The following LARS1 variants were observed in gnomAD, a reference collection of about 807,000 sequenced individuals.
LARS1 encodes leucine--tRNA ligase, cytoplasmic.
LARS1 carries 100 observed loss-of-function variants against 162.8 expected under a neutral mutation model. That is an observed-to-expected ratio of 0.61 (90% CI 0.52 to 0.73). The LOEUF (loss-of-function observed/expected upper bound fraction) is 0.73, where lower values mean the gene tolerates loss of function less well. Ranked by LOEUF, LARS1 falls within the 30% of genes least tolerant of loss-of-function variation. The probability of loss-of-function intolerance (pLI) is 0.00; values close to 1 mark genes in which losing one functional copy is unlikely to be tolerated. For synonymous variants in LARS1, 457 were observed against 462.8 expected (o/e 0.99, Z 0.16); for missense variants, 1,258 against 1,408.9 (o/e 0.89, Z 1.71).
At position 146,114,096 on chromosome 5, in the gene LARS1, G is replaced by A; in HGVS notation, c.*10C>T. ...TAAGAAACCAGGATAAATCTCCAATGTGCATGAGTTTAATGAACCAGATAG... is the reference window on the plus strand; with the variant it reads ...TAAGAAACCAGGATAAATCTCCAATATGCATGAGTTTAATGAACCAGATAG... On this transcript the variant is annotated 3_prime_UTR_variant, in exon 32 of 32. Transcript: ENST00000394434. The A allele has an allele frequency of 6.3e-7, 1 of 1,597,102 alleles. No homozygotes were observed. The highest frequency in any genetic ancestry group is 8.6e-7 in the Non-Finnish European group (1 of 1,165,642).
At chr5:146,170,378 G>C (rs1014257965) in intron 4 of LARS1, among the ~76,000 whole-genome samples, 14 of 151,788 alleles carry the variant, frequency 9.2e-5, no homozygotes, top group African/African-American at 2.7e-4. Flanking sequence ...GCTGAGGCAA[G>C]AGAATCACTT....
intron 1 of LARS1, 130 bp downstream of exon 1, chr5:146,182,358 C>T (rs961358184): frequency 2.5e-5 from 31 of 1,235,018 alleles, no homozygotes; most frequent in South Asian, 7.3e-5. Context: ...AAAGTCTCTA[C>T]GAAAGGCACG....
At position 146,143,412 on chromosome 5, in the gene LARS1, C is replaced by T. The variant is rs1307306147; in HGVS notation, c.1877G>A (p.Arg626Lys). Residue 626 changes from arginine (R) to lysine (K), a missense_variant and splice_region_variant, in exon 19 of 32, where the codon AGA (arginine) becomes AAA (lysine). Coordinates refer to ENST00000394434, the MANE Select transcript of LARS1 (RefSeq NM_020117.11). ...HGQAESPLGI[R>K]PQQMTKEVWD... ...TCCTTTCCCTTATCTGTTTACCAAC[C>T]TAATGCCCAGCGGAGACTCTGCCTG... is the stretch of plus-strand genomic sequence containing the variant. 6.2e-7 allele frequency: 1 copy of T among 1,611,144 alleles called. No homozygotes were observed. Among genetic ancestry groups the T allele is most frequent in the Non-Finnish European group, 8.5e-7 (1 of 1,178,158 alleles).
At chr5:146,157,353 T>A in intron 10 of LARS1, 50 bp downstream of exon 10, 1 of 1,493,374 alleles carries the variant, frequency 6.7e-7, no homozygotes, top group Non-Finnish European at 9.3e-7. Context: ...ATTGTTGAAA[T>A]TTTCCTTGAA....
intron 21 of LARS1, among the ~76,000 whole-genome samples, chr5:146,139,872 C>CAA (rs34203668): frequency 0.06 from 4,909 of 81,286 alleles, 396 homozygotes; most frequent in African/African-American, 0.12. Flanking sequence ...GACTCCGTCT[C>CAA]AAAAAAAAAA....
rs1456451637 is a variant in LARS1, at chr5:146,153,731, T to C, written c.1230+3A>G. On this transcript the variant is annotated splice_donor_region_variant and intron_variant, in intron 12 of 31. Coordinates refer to ENST00000394434, the MANE Select transcript of LARS1 (RefSeq NM_020117.11). ...AATACAAACATGAAACTCAGATACT[T>C]ACTTGCTTTTTCTTCAAGTCTCTGA... is the stretch of plus-strand genomic sequence containing the variant. 6.2e-7 allele frequency: 1 copy of C among 1,611,546 alleles called. No individual in the cohort carries two copies. Among genetic ancestry groups the C allele is most frequent in the Non-Finnish European group, 8.5e-7 (1 of 1,177,758 alleles).
At chr5:146,146,074 A>G (rs1752990750) in intron 15 of LARS1, among the ~76,000 whole-genome samples, 1 of 152,198 alleles carries the variant, frequency 6.6e-6, no homozygotes, top group Admixed American at 6.5e-5. Flanking sequence ...CTCTAGAAAT[A>G]GAGATAAGGG....
chr5:146,115,848 A>G (rs1764181893), intron 31 of LARS1, among the ~76,000 whole-genome samples: 2 of 152,192 alleles, frequency 1.3e-5, no homozygotes, highest in African/African-American at 2.4e-5. Flanking sequence ...TTTCTGAATT[A>G]CTTCCCATTT....
chr5:146,161,644 T>C (rs1753782316), intron 6 of LARS1, among the ~76,000 whole-genome samples: 1 of 151,394 alleles, frequency 6.6e-6, no homozygotes, highest in African/African-American at 2.4e-5. Flanking sequence ...TCCCAGCTAC[T>C]AGGGAGGCTG....
At chr5:146,128,014 G>A (rs750856251) in intron 27 of LARS1, among the ~76,000 whole-genome samples, 20 of 152,020 alleles carry the variant, frequency 1.3e-4, no homozygotes, top group African/African-American at 1.9e-4. Flanking sequence ...AGCAATAACT[G>A]TTTTAATAAC....
Position 146,128,699 on chromosome 5 carries a change from G to A in LARS1, c.2853C>T (p.Thr951=), listed in dbSNP as rs375309202. The change falls in exon 27 of 32, where the codon ACC becomes ACT. Residue 951 remains threonine (T), a synonymous_variant. Coordinates refer to ENST00000394434, the MANE Select transcript of LARS1 (RefSeq NM_020117.11). ...AKNYPPWQHT[T]LSVLRKHFEA... ...CAAAGTGTTTACGTAGAACAGACAG[G>A]GTGGTATGTTGCCAAGGTGGATAGT... is the stretch of plus-strand genomic sequence containing the variant. 1.3e-6 allele frequency: 2 copies of A among 1,588,840 alleles called. No individual in the cohort carries two copies. The highest frequency in any genetic ancestry group is 1.7e-6 in the Non-Finnish European group (2 of 1,172,992).
chr5:146,151,727 G>C (rs1289640011), intron 14 of LARS1, 135 bp downstream of exon 14: 3 of 809,486 alleles, frequency 3.7e-6, no homozygotes, highest in Non-Finnish European at 5.7e-6. Context: ...TTTGGAAATA[G>C]AATACATTCT....
At chr5:146,176,696 T>C (rs1250955542) in intron 2 of LARS1, among the ~76,000 whole-genome samples, 1 of 152,148 alleles carries the variant, frequency 6.6e-6, no homozygotes, top group African/African-American at 2.4e-5. Context: ...GGGGGAGTTA[T>C]TTTGTTTTTG....
intron 19 of LARS1, 39 bp downstream of exon 19, chr5:146,143,373 C>A: frequency 6.4e-7 from 1 of 1,574,014 alleles, no homozygotes; most frequent in Non-Finnish European, 8.6e-7. Context: ...ACAACTCTTA[C>A]TGACAAATTA....
intron 25 of LARS1, 144 bp downstream of exon 25, chr5:146,129,873 CG>C (rs1752202854): frequency 1.3e-6 from 1 of 785,818 alleles, no homozygotes; most frequent in Admixed American, 3.2e-5. Context: ...TGGTTTAACC[CG>C]TCATAATTAT....
chr5:146,114,058 G>T lies in LARS1; in HGVS notation c.*48C>A. 1 of 1,390,360 alleles carries T rather than the reference G, an allele frequency of 7.2e-7. No individual in the cohort carries two copies. Among genetic ancestry groups the T allele is most frequent in the Non-Finnish European group, 1.0e-6 (1 of 978,100 alleles). 86.1% of individuals were successfully genotyped at this position (1,390,360 alleles called of 1,614,324 possible). On this transcript the variant is annotated 3_prime_UTR_variant, in exon 32 of 32. Transcript: ENST00000394434. The stretch of plus-strand genomic sequence containing the variant: ...TAGCCAATCAGTAGACACAATCAGA[G>T]TAGTAGTATTCCTAAGAAACCAGGA...
At chr5:146,126,621 G>C in intron 27 of LARS1, 76 bp from the exon 28 acceptor site, 1 of 906,868 alleles carries the variant, frequency 1.1e-6, no homozygotes, top group Non-Finnish European at 1.8e-6. Context: ...ATGTGACCAG[G>C]CATAGAATGG....
Position 146,159,425 on chromosome 5 carries a change from A to G in LARS1, c.753T>C (p.His251=), listed in dbSNP as rs752811363. 1 of 1,612,152 alleles carries G rather than the reference A, an allele frequency of 6.2e-7. No individual in the cohort carries two copies. The highest frequency in any genetic ancestry group is 1.1e-5 in the South Asian group (1 of 91,006). Residue 251 remains histidine, a synonymous_variant, in exon 8 of 32, where the codon CAT becomes CAC. Coordinates refer to ENST00000394434, the MANE Select transcript of LARS1 (RefSeq NM_020117.11). ...SPKDGQPCMD[H]DRQTGEGVGP... ...TAATCACCTCTCCAGTTTGTCTATC[A>G]TGATCCATGCAAGGCTGTCCATCTT...
intron 1 of LARS1, 121 bp downstream of exon 1, chr5:146,182,367 C>T (rs1754909469): frequency 7.7e-7 from 1 of 1,300,032 alleles, no homozygotes; most frequent in South Asian, 1.2e-5. Context: ...ACGAAAGGCA[C>T]GCCTTAAGCG....
Sources: gnomAD v4.1 joint callset for allele counts (sites outside exome capture counted in the v4.1 genomes callset) on GRCh38, gnomAD v4.1.1 for gene constraint, MANE v1.5 for transcripts, NCBI Gene and HGNC (gene_info 2026-07-23, HGNC 2026-07-21) for gene names.